Variants in USP34 observed in about 807,000 individuals in gnomAD.
The protein encoded by USP34 is ubiquitin carboxyl-terminal hydrolase 34.
A neutral mutation model predicts 460.3 loss-of-function variants in USP34; 70 were observed. The observed-to-expected ratio is 0.15, with a 90% CI of 0.13 to 0.19. The LOEUF is 0.19. USP34 is among the 10% of genes least tolerant of loss of function. The pLI, the probability that USP34 is intolerant of heterozygous loss-of-function variation, is 1.00. For synonymous variants in USP34, 1,647 were observed against 1,405.3 expected, an observed-to-expected ratio of 1.17 and a Z score of -3.85; for missense variants, 3,985 against 4,236.2, an observed-to-expected ratio of 0.94 and a Z score of 1.65.
At chr2:61,237,913 T>G in intron 53 of USP34, among the ~76,000 whole-genome samples, 1 of 151,762 alleles carries the variant, frequency 6.6e-6, no homozygotes, top group East Asian at 1.9e-4. Flanking sequence ...TTTCTTTTTT[T>G]TGAGACAAGT....
At chr2:61,268,291 T>C (rs1379607842) in intron 41 of USP34, among the ~76,000 whole-genome samples, 1 of 151,548 alleles carries the variant, frequency 6.6e-6, no homozygotes, top group Non-Finnish European at 1.5e-5. Flanking sequence ...TTTCACCACA[T>C]CTAATGGTGA....
At chr2:61,243,591 C>T (rs1171175699) in intron 51 of USP34, among the ~76,000 whole-genome samples, 6 of 146,580 alleles carry the variant, frequency 4.1e-5, no homozygotes, top group South Asian at 2.1e-4. Context: ...AGGAAACATT[C>T]GGCTGAGTAC....
In USP34 at chr2:61,306,666, A is replaced by G. The variant is rs547728184; in HGVS notation, c.3817+4874T>C. 5.9e-5 allele frequency among the ~76,000 whole-genome samples: 9 copies of G among 152,316 alleles called. No individual in the cohort carries two copies. The South Asian group carries it at 1.9e-3, about 32-fold the overall frequency. On this transcript the variant is annotated intron_variant, in intron 27 of 79. Transcript: ENST00000398571. ...AAATTACCTTGGTCAGTATGGCCAG[A>G]CACTTCTCAAAAGAAGACATTTATG...
chr2:61,459,868 T>C (rs1695549980), intron 1 of USP34, among the ~76,000 whole-genome samples: 1 of 151,946 alleles, frequency 6.6e-6, no homozygotes, highest in South Asian at 2.1e-4. Flanking sequence ...AAGACCATCC[T>C]GATTAACACG....
chr2:61,410,604 C>A (rs759204571), intron 2 of USP34, among the ~76,000 whole-genome samples: 2 of 152,048 alleles, frequency 1.3e-5, no homozygotes, highest in African/African-American at 2.4e-5. Context: ...TCAGTCAAAA[C>A]CAGCTTGAAT....
intron 18 of USP34, among the ~76,000 whole-genome samples, chr2:61,335,836 G>A (rs1036885545): frequency 2.6e-5 from 4 of 152,134 alleles, no homozygotes; most frequent in East Asian, 3.8e-4. Context: ...TGCACTAGTT[G>A]TTTGATTTAT....
At chr2:61,422,741 G>A (rs1472375490) in intron 1 of USP34, among the ~76,000 whole-genome samples, 1 of 152,204 alleles carries the variant, frequency 6.6e-6, no homozygotes, top group Non-Finnish European at 1.5e-5. Flanking sequence ...CTAACAGCCG[G>A]TAATCCCAGC....
intron 62 of USP34, 120 bp downstream of exon 62, chr2:61,226,947 T>G (rs1052275632): frequency 2.6e-6 from 3 of 1,151,058 alleles, no homozygotes; most frequent in Non-Finnish European, 3.5e-6. Context: ...AGCTAGTGAA[T>G]AACAATTACA....
At chr2:61,256,100 T>C (rs1403202018) in intron 48 of USP34, among the ~76,000 whole-genome samples, 1 of 152,218 alleles carries the variant, frequency 6.6e-6, no homozygotes, top group Non-Finnish European at 1.5e-5. Flanking sequence ...TCGATACAGA[T>C]AATGATGAAA....
chr2:61,228,623 T>C (rs773774823), intron 61 of USP34, 22 bp downstream of exon 61: 1 of 1,599,984 alleles, frequency 6.3e-7, no homozygotes, highest in South Asian at 1.1e-5. Context: ...TAATACCTAA[T>C]GTACGATAGA....
At chr2:61,431,941 CAAT>C (rs1315483796) in intron 1 of USP34, among the ~76,000 whole-genome samples, 1 of 152,054 alleles carries the variant, frequency 6.6e-6, no homozygotes, top group Admixed American at 6.6e-5. Flanking sequence ...CTTGAGATAA[CAAT>C]AATTACCCCA....
At chr2:61,227,877 A>T (rs1312405819) in intron 61 of USP34, among the ~76,000 whole-genome samples, 3 of 149,578 alleles carry the variant, frequency 2.0e-5, no homozygotes, top group Admixed American at 6.7e-5. Flanking sequence ...TTCCTATTTA[A>T]TAAAAATGCC....
intron 1 of USP34, among the ~76,000 whole-genome samples, chr2:61,458,478 T>C (rs1264651399): frequency 2.0e-5 from 3 of 150,102 alleles, no homozygotes; most frequent in Non-Finnish European, 3.0e-5. Flanking sequence ...GGAGAATCAT[T>C]TGAACCCAGG....
chr2:61,408,765 T>C (rs890892088), intron 2 of USP34, among the ~76,000 whole-genome samples: 8 of 152,032 alleles, frequency 5.3e-5, no homozygotes, highest in African/African-American at 1.9e-4. Flanking sequence ...CTTGGTGGTC[T>C]ACCTGTAATC....
intron 3 of USP34, among the ~76,000 whole-genome samples, chr2:61,399,343 C>CAAA (rs137914061): frequency 1.1e-5 from 1 of 89,936 alleles, no homozygotes; most frequent in Non-Finnish European, 2.3e-5. Flanking sequence ...AACTCCGTCT[C>CAAA]AAAAAAAAAA....
chr2:61,438,444 T>G (rs1694877117), intron 1 of USP34, among the ~76,000 whole-genome samples: 1 of 151,736 alleles, frequency 6.6e-6, no homozygotes, highest in Admixed American at 6.6e-5. Flanking sequence ...GAAACCCCGT[T>G]TCTACCAAAA....
intron 70 of USP34, chr2:61,207,349 T>C (rs576250458): frequency 3.9e-5 from 6 of 154,276 alleles, no homozygotes; most frequent in East Asian, 1.9e-4. Context: ...TTCCTTTATA[T>C]TGGCTTGTTA....
At position 61,214,420 on chromosome 2, in the gene USP34, T is replaced by C. The variant is rs1364056815; in HGVS notation, c.8322A>G (p.Thr2774=). 6 of 1,614,066 alleles carry C rather than the reference T, an allele frequency of 3.7e-6. No individual in the cohort carries two copies. The highest frequency in any genetic ancestry group is 4.5e-5 in the East Asian group (2 of 44,902). Residue 2774 remains threonine (T), a synonymous_variant, in exon 68 of 80, where the codon ACA becomes ACG. Coordinates refer to ENST00000398571, the MANE Select transcript of USP34 (RefSeq NM_014709.4). ...ISKTEKLMFS[T]YFMDLWNLFQ... ...AAAGGTTCCACAAATCCATGAAATA[T>C]GTGGAAAACATCAGCTTCTCAGTTT... is the stretch of plus-strand genomic sequence containing the variant.
chr2:61,375,178 C>T (rs776691370), intron 8 of USP34, among the ~76,000 whole-genome samples: 6 of 152,012 alleles, frequency 3.9e-5, no homozygotes, highest in African/African-American at 1.2e-4. Context: ...TAGGGAAATG[C>T]AAATTAAAAC....
Sources: gnomAD v4.1 joint callset for allele counts (sites outside exome capture counted in the v4.1 genomes callset) on GRCh38, gnomAD v4.1.1 for gene constraint, MANE v1.5 for transcripts, NCBI Gene and HGNC (gene_info 2026-07-23, HGNC 2026-07-21) for gene names.